Variants in ATP11B observed in about 807,000 individuals in gnomAD.
ATP11B encodes phospholipid-transporting ATPase IF.
In ATP11B, 81 loss-of-function variants were observed where a neutral mutation model predicts 157.8. That is an observed-to-expected ratio of 0.51 (90% CI 0.43 to 0.62). The LOEUF (loss-of-function observed/expected upper bound fraction) is 0.62, where lower values mean the gene tolerates loss of function less well. Among genes scored for constraint, ATP11B ranks in the 20% least tolerant of loss-of-function variants. ATP11B has a pLI of 0.00. For synonymous variants in ATP11B, 451 were observed against 469.4 expected, an observed-to-expected ratio of 0.96 and a Z score of 0.51; for missense variants, 1,165 against 1,402.2, an observed-to-expected ratio of 0.83 and a Z score of 2.70.
intron 29 of ATP11B, chr3:182,916,076 C>T: frequency 1.0e-6 from 1 of 985,276 alleles, no homozygotes; most frequent in Non-Finnish European, 1.2e-6. Context: ...CACCAAGCTA[C>T]CTGGTGCTTT....
intron 28 of ATP11B, among the ~76,000 whole-genome samples, chr3:182,901,744 G>A (rs966979844): frequency 2.6e-5 from 4 of 152,126 alleles, no homozygotes; most frequent in African/African-American, 9.7e-5. Context: ...GAATACATAG[G>A]AAATATTTGG....
chr3:182,868,147 C>T (rs1285099469), intron 15 of ATP11B, among the ~76,000 whole-genome samples: 3 of 151,768 alleles, frequency 2.0e-5, no homozygotes, highest in Non-Finnish European at 4.4e-5. Context: ...ATAGGTTCTT[C>T]TCACTGAATA....
intron 9 of ATP11B, among the ~76,000 whole-genome samples, chr3:182,846,494 A>G (rs1719541594): frequency 6.6e-6 from 1 of 152,214 alleles, no homozygotes. Flanking sequence ...GTAACTGAAA[A>G]TGAGTGTTCA....
chr3:182,829,847 A>C (rs1234174467), intron 4 of ATP11B, 95 bp downstream of exon 4: 1 of 1,410,078 alleles, frequency 7.1e-7, no homozygotes, highest in Non-Finnish European at 9.4e-7. Flanking sequence ...TGTGAAAATA[A>C]TTTCCATAAG....
At chr3:182,846,377 T>G (rs1396621039) in intron 9 of ATP11B, among the ~76,000 whole-genome samples, 1 of 151,912 alleles carries the variant, frequency 6.6e-6, no homozygotes, top group South Asian at 2.1e-4. Context: ...CTGATGGGAA[T>G]GTAAAACGTT....
At position 182,918,094 on chromosome 3, in the gene ATP11B, C is replaced by T. The variant is rs758708662; in HGVS notation, c.3524C>T (p.Ser1175Phe). Reference sequence around the variant, plus strand: ...TTGACTCTCTCCACAATGGACTCATCTACTTGTTAAAGGGGCAGTAGTACT... The same window carrying T: ...TTGACTCTCTCCACAATGGACTCATTTACTTGTTAAAGGGGCAGTAGTACT... ...SILTLSTMDS[S>F]TC The change falls in exon 30 of 30, where the codon TCT becomes TTT. Residue 1175 changes from serine (S) to phenylalanine (F), a missense_variant. Physicochemically the swap from Ser to Phe is radical, Grantham distance 155. This residue lies in a region of ATP11B where 303 missense variants were observed against 296.3 expected (regional missense o/e 1.02). Coordinates refer to ENST00000323116, the MANE Select transcript of ATP11B (RefSeq NM_014616.3). 2 of 1,613,116 alleles carry T rather than the reference C, an allele frequency of 1.2e-6. No individual in the cohort carries two copies. The highest frequency in any genetic ancestry group is 1.1e-5 in the South Asian group (1 of 90,970).
At chr3:182,828,361 C>T in intron 3 of ATP11B, 152 bp downstream of exon 3, 1 of 416,014 alleles carries the variant, frequency 2.4e-6, no homozygotes, top group East Asian at 3.7e-5. Context: ...ATACAATGAT[C>T]TGTCATATCT....
rs375205324 is a variant in ATP11B, at chr3:182,829,606, G to C, written c.235-66G>C. The C allele has an allele frequency of 4.6e-6, 5 of 1,083,554 alleles. No homozygotes were observed. The African/African-American group carries it at 6.5e-5, about 14-fold the overall frequency. The allele number at this position is 1,083,554 out of a possible 1,614,324, so 67.1% of individuals were successfully genotyped here. A position where few individuals can be genotyped will look rare whatever the true frequency, so the allele number is the denominator to read the frequency against. The stretch of plus-strand genomic sequence containing the variant: ...ACTCACTGTGTAATGTGAAATTTTA[G>C]ATGTTAATAGTGTGATGTGCACAAT... On this transcript the variant is annotated intron_variant, in intron 3 of 29. Coordinates refer to ENST00000323116, the MANE Select transcript of ATP11B (RefSeq NM_014616.3).
intron 1 of ATP11B, among the ~76,000 whole-genome samples, chr3:182,803,187 G>A (rs908184514): frequency 6.6e-6 from 1 of 152,100 alleles, no homozygotes; most frequent in Non-Finnish European, 1.5e-5. Context: ...TTCTAAAACA[G>A]AGTTCTCCTT....
chr3:182,874,934 T>C (rs1004738748), intron 19 of ATP11B, among the ~76,000 whole-genome samples: 1 of 152,128 alleles, frequency 6.6e-6, no homozygotes, highest in African/African-American at 2.4e-5. Flanking sequence ...AATTGAAATA[T>C]TTACTCTCTG....
At position 182,895,893 on chromosome 3, in the gene ATP11B, C is replaced by T. The variant is rs73177351; in HGVS notation, c.2983-807C>T. On this transcript the variant is annotated intron_variant, in intron 25 of 29. Transcript: ENST00000323116. Reference sequence around the variant, plus strand: ...CCTTGGACCTTTATCCAGCAAGATACGATAGGGCTCTTTCTTTAGTGGTCA... The same window carrying T: ...CCTTGGACCTTTATCCAGCAAGATATGATAGGGCTCTTTCTTTAGTGGTCA... 1.7e-4 allele frequency among the ~76,000 whole-genome samples: 26 copies of T among 152,178 alleles called. 1 individual carries two copies. The highest frequency in any genetic ancestry group is 3.4e-3 in the Middle Eastern group (1 of 294).
intron 12 of ATP11B, among the ~76,000 whole-genome samples, chr3:182,859,875 A>T (rs1304215427): frequency 6.6e-6 from 1 of 151,312 alleles, no homozygotes; most frequent in African/African-American, 2.4e-5. Flanking sequence ...GTCTCTGATA[A>T]TATGTGCAGC....
intron 11 of ATP11B, among the ~76,000 whole-genome samples, chr3:182,858,484 A>G (rs973224984): frequency 2.6e-5 from 4 of 152,202 alleles, no homozygotes; most frequent in African/African-American, 9.7e-5. Context: ...TGGACTACCA[A>G]GAGAATTTAA....
At chr3:182,859,796 A>G (rs1315745005) in intron 12 of ATP11B, among the ~76,000 whole-genome samples, 3 of 151,886 alleles carry the variant, frequency 2.0e-5, no homozygotes, top group African/African-American at 4.8e-5. Context: ...CCCTTCTTAT[A>G]TATTTTGTTT....
chr3:182,827,621 T>TA (rs1717813373), intron 2 of ATP11B, among the ~76,000 whole-genome samples: 2 of 152,002 alleles, frequency 1.3e-5, no homozygotes, highest in Non-Finnish European at 2.9e-5. Context: ...ATCACTTATC[T>TA]AAAGCATTTC....
intron 1 of ATP11B, among the ~76,000 whole-genome samples, chr3:182,800,686 T>A (rs751487537): frequency 6.6e-6 from 1 of 152,144 alleles, no homozygotes; most frequent in Non-Finnish European, 1.5e-5. Context: ...AGGAGAAAAC[T>A]AGAACACAAA....
At chr3:182,874,086 T>G (rs113939043) in intron 19 of ATP11B, 71 bp downstream of exon 19, 2 of 1,342,808 alleles carry the variant, frequency 1.5e-6, no homozygotes, top group Non-Finnish European at 2.1e-6. Flanking sequence ...CCCGATGATA[T>G]AGCCCACTGT....
intron 12 of ATP11B, among the ~76,000 whole-genome samples, chr3:182,860,299 T>A (rs953248020): frequency 6.6e-6 from 1 of 152,266 alleles, no homozygotes; most frequent in African/African-American, 2.4e-5. Context: ...GATTGAAATC[T>A]TCAGAAATTT....
chr3:182,880,745 C>G, intron 20 of ATP11B, 134 bp from the exon 21 acceptor site: 1 of 442,162 alleles, frequency 2.3e-6, no homozygotes, highest in Middle Eastern at 6.0e-4. Flanking sequence ...AATGAACCTG[C>G]ATATTATTGT....
Sources: gnomAD v4.1 joint callset for allele counts (sites outside exome capture counted in the v4.1 genomes callset) on GRCh38, gnomAD v4.1.1 for gene constraint, gnomAD v4.1.1 regional missense constraint, MANE v1.5 for transcripts, NCBI Gene and HGNC (gene_info 2026-07-23, HGNC 2026-07-21) for gene names.